Variants in ZC3H12C observed in about 807,000 individuals in gnomAD.
ZC3H12C encodes the protein zinc finger CCCH-type containing 12C, also known as probable ribonuclease ZC3H12C.
ZC3H12C carries 20 observed loss-of-function variants against 76.3 expected under a neutral mutation model. The ratio of observed to expected loss-of-function variants is 0.26; its 90% CI spans 0.18 to 0.38. The LOEUF (loss-of-function observed/expected upper bound fraction) is 0.38, where lower values mean the gene tolerates loss of function less well. ZC3H12C is among the 10% of genes least tolerant of loss of function. The pLI is 1.00. For missense variants in ZC3H12C, 874 were observed against 1,086.5 expected (o/e 0.80, Z 2.75); for synonymous variants, 352 against 399.6 (o/e 0.88, Z 1.42).
chr11:110,114,548 G>T (rs982652054), intron 1 of ZC3H12C, among the ~76,000 whole-genome samples: 1 of 152,100 alleles, frequency 6.6e-6, no homozygotes, highest in Admixed American at 6.5e-5. Flanking sequence ...TGTTTCTTCC[G>T]TGAGTAAATT....
chr11:110,125,147 A>G (rs903350200), intron 1 of ZC3H12C, among the ~76,000 whole-genome samples: 2 of 152,190 alleles, frequency 1.3e-5, no homozygotes, highest in Admixed American at 1.3e-4. Flanking sequence ...TGTTGCTCAT[A>G]GATGTGAAAA....
chr11:110,153,106 C>T, intron 3 of ZC3H12C, 48 bp downstream of exon 3: 1 of 1,586,744 alleles, frequency 6.3e-7, no homozygotes. Flanking sequence ...CCTATAATAA[C>T]CATGCAGGTG....
Position 110,117,950 on chromosome 11 carries a change from TAC to T in ZC3H12C, c.22-18705_22-18704del, listed in dbSNP as rs1192682897. ...CACACACACATATATATATTATATA[TAC>T]ACACACATATATACACACACATATA... On this transcript the variant is annotated intron_variant, in intron 1 of 5. Coordinates refer to ENST00000278590, the MANE Select transcript of ZC3H12C (RefSeq NM_033390.2). 2.8e-5 allele frequency among the ~76,000 whole-genome samples: 3 copies of T among 108,672 alleles called. 1 individual carries two copies. In the South Asian group the frequency reaches 7.5e-4, roughly 27 times the overall value. 71.3% of individuals were successfully genotyped at this position (108,672 alleles called of 152,430 possible). A position where few individuals can be genotyped will look rare whatever the true frequency, so the allele number is the denominator to read the frequency against.
At position 110,167,331 on chromosome 11, in the gene ZC3H12C, T is replaced by G. The variant is rs1862602500; in HGVS notation, c.*1594T>G. On this transcript the variant is annotated 3_prime_UTR_variant, in exon 6 of 6. Transcript: ENST00000278590. ...TTTGTAGATCTAGTTAAAACACAAG[T>G]ATGTAACTATGATTAGACTTTTGGG... The G allele has an allele frequency of 6.6e-6, 1 of 152,184 alleles. No homozygotes were observed. The highest frequency in any genetic ancestry group is 1.5e-5 in the Non-Finnish European group (1 of 68,030). 9.4% of individuals were successfully genotyped at this position (152,184 alleles called of 1,614,324 possible).
rs916606588 is a variant in ZC3H12C, at chr11:110,167,079, C to T, written c.*1342C>T. ...CGGAGTAGAAGATAGATTTTGCAGTCAGTGGCAGACAGTTGTGTGATTGAC... is the reference window on the plus strand; with the variant it reads ...CGGAGTAGAAGATAGATTTTGCAGTTAGTGGCAGACAGTTGTGTGATTGAC... On this transcript the variant is annotated 3_prime_UTR_variant, in exon 6 of 6. Transcript: ENST00000278590. 1 of 152,142 alleles carries T rather than the reference C, an allele frequency of 6.6e-6. No homozygotes were observed. The highest frequency in any genetic ancestry group is 2.4e-5 in the African/African-American group (1 of 41,420). The allele number at this position is 152,142 out of a possible 1,614,324, so 9.4% of individuals were successfully genotyped here.
At position 110,166,185 on chromosome 11, in the gene ZC3H12C, T is replaced by C. The variant is rs1361434633; in HGVS notation, c.*448T>C. On this transcript the variant is annotated 3_prime_UTR_variant, in exon 6 of 6. Transcript: ENST00000278590. ...GCAAACTGTTTTTTCGAGCCAAGCT[T>C]AGTTAGACTCTTTTACAGCTTTTTA... 6.4e-6 allele frequency: 1 copy of C among 156,244 alleles called. No individual in the cohort carries two copies. The highest frequency in any genetic ancestry group is 1.4e-5 in the Non-Finnish European group (1 of 70,680). The allele number at this position is 156,244 out of a possible 1,614,324, so 9.7% of individuals were successfully genotyped here.
chr11:110,156,833 T>A (rs1003982930), intron 3 of ZC3H12C, among the ~76,000 whole-genome samples: 6 of 152,194 alleles, frequency 3.9e-5, no homozygotes, highest in Non-Finnish European at 8.8e-5. Context: ...TGACAGCTCC[T>A]ATAATTGAGA....
chr11:110,143,269 C>T (rs913458059), intron 2 of ZC3H12C, among the ~76,000 whole-genome samples: 1 of 152,144 alleles, frequency 6.6e-6, no homozygotes, highest in Non-Finnish European at 1.5e-5. Context: ...AGCTGCACTT[C>T]TTCCCCCTGC....
intron 2 of ZC3H12C, among the ~76,000 whole-genome samples, chr11:110,147,457 G>C (rs887794514): frequency 6.6e-6 from 1 of 151,880 alleles, no homozygotes; most frequent in Admixed American, 6.6e-5. Flanking sequence ...TCAGGGGGTC[G>C]GAGGGAAGGG....
rs1862632671 is a variant in ZC3H12C, at chr11:110,169,249, T to C, written c.*3512T>C. The C allele has an allele frequency of 1.3e-5, 2 of 152,120 alleles. No homozygotes were observed. Among genetic ancestry groups the C allele is most frequent in the Non-Finnish European group, 2.9e-5 (2 of 68,000 alleles). 9.4% of individuals were successfully genotyped at this position (152,120 alleles called of 1,614,324 possible). On this transcript the variant is annotated 3_prime_UTR_variant, in exon 6 of 6. Transcript: ENST00000278590. ...TTAACATGTCTTATGGATGTATCTA[T>C]ATGTATATAGACAGTAATATATTTA...
chr11:110,134,313 A>G (rs1861916302), intron 1 of ZC3H12C, among the ~76,000 whole-genome samples: 1 of 152,084 alleles, frequency 6.6e-6, no homozygotes, highest in African/African-American at 2.4e-5. Flanking sequence ...TTCATACCAA[A>G]TTATTCTTTC....
intron 1 of ZC3H12C, among the ~76,000 whole-genome samples, chr11:110,134,228 T>C (rs1861914625): frequency 6.6e-6 from 1 of 151,838 alleles, no homozygotes; most frequent in Non-Finnish European, 1.5e-5. Context: ...AGCTTCCAGA[T>C]TGGTTTGGCA....
At chr11:110,115,404 G>A (rs1861507955) in intron 1 of ZC3H12C, among the ~76,000 whole-genome samples, 1 of 152,164 alleles carries the variant, frequency 6.6e-6, no homozygotes, top group African/African-American at 2.4e-5. Flanking sequence ...CCAGGTTCAA[G>A]CAGTTCTCCT....
intron 4 of ZC3H12C, among the ~76,000 whole-genome samples, chr11:110,162,330 T>C (rs80311774): frequency 0.011 from 1,707 of 152,330 alleles, 11 homozygotes; most frequent in Non-Finnish European, 0.018. Context: ...TGAGTGACTT[T>C]ATCTTCTGTT....
intron 5 of ZC3H12C, 79 bp downstream of exon 5, chr11:110,163,458 C>A: frequency 8.1e-7 from 1 of 1,232,110 alleles, no homozygotes; most frequent in Non-Finnish European, 1.1e-6. Context: ...AAAATGAACA[C>A]TTAAAATTTT....
rs567949207 is a variant in ZC3H12C, at chr11:110,152,480, T to C, written c.774-439T>C. Among the ~76,000 whole-genome samples the C allele has an allele frequency of 1.2e-4, 19 of 152,354 alleles. No homozygotes were observed. The South Asian group carries it at 3.3e-3, about 27-fold the overall frequency. On this transcript the variant is annotated intron_variant, in intron 2 of 5. Coordinates refer to ENST00000278590, the MANE Select transcript of ZC3H12C (RefSeq NM_033390.2). ...TATTGAAATATACACTAAGAACTTT[T>C]GAGAAAGAAAAGTTTTTAGAAACTC...
At chr11:110,109,191 C>A (rs534153536) in intron 1 of ZC3H12C, among the ~76,000 whole-genome samples, 3 of 152,252 alleles carry the variant, frequency 2.0e-5, no homozygotes, top group African/African-American at 7.2e-5. Flanking sequence ...GTAGGATAAT[C>A]TAAGAAACAT....
At chr11:110,096,481 A>T (rs1030783234) in intron 1 of ZC3H12C, among the ~76,000 whole-genome samples, 1 of 152,212 alleles carries the variant, frequency 6.6e-6, no homozygotes. Context: ...ACCTTTATGC[A>T]TTGCTTCTAT....
chr11:110,168,070 A>G lies in ZC3H12C; in HGVS notation c.*2333A>G, dbSNP rs1222451636. The stretch of plus-strand genomic sequence containing the variant: ...ATTTTACCATTTTAATTATTTGAAC[A>G]TTCGCCAAATTTTACATTTATTTAA... On this transcript the variant is annotated 3_prime_UTR_variant, in exon 6 of 6. Transcript: ENST00000278590. 6.6e-6 allele frequency: 1 copy of G among 152,130 alleles called. No individual in the cohort carries two copies. Among genetic ancestry groups the G allele is most frequent in the Admixed American group, 6.5e-5 (1 of 15,268 alleles). The allele number at this position is 152,130 out of a possible 1,614,324, so 9.4% of individuals were successfully genotyped here.
Sources: gnomAD v4.1 joint callset for allele counts (sites outside exome capture counted in the v4.1 genomes callset) on GRCh38, gnomAD v4.1.1 for gene constraint, MANE v1.5 for transcripts, NCBI Gene and HGNC (gene_info 2026-07-23, HGNC 2026-07-21) for gene names.